The following MEX3C variants were observed in gnomAD, a reference collection of about 807,000 sequenced individuals.
The protein encoded by MEX3C is mex-3 RNA binding family member C, also known as RNA-binding E3 ubiquitin-protein ligase MEX3C.
A neutral mutation model predicts 35.5 loss-of-function variants in MEX3C; 15 were observed. That is an observed-to-expected ratio of 0.42 (90% CI 0.28 to 0.65). The LOEUF is 0.65. Ranked by LOEUF, MEX3C falls within the 30% of genes least tolerant of loss-of-function variation. The pLI is 0.20. For missense variants in MEX3C, 711 were observed against 842.8 expected, an observed-to-expected ratio of 0.84 and a Z score of 1.94; for synonymous variants, 390 against 352.8, an observed-to-expected ratio of 1.11 and a Z score of -1.18.
At chr18:51,182,199 C>T (rs909096975) in intron 1 of MEX3C, among the ~76,000 whole-genome samples, 1 of 152,064 alleles carries the variant, frequency 6.6e-6, no homozygotes, top group South Asian at 2.1e-4. Flanking sequence ...CAGGTATGTA[C>T]ATATAGGAAA....
chr18:51,190,441 G>A (rs546477939), intron 1 of MEX3C, among the ~76,000 whole-genome samples: 2 of 152,268 alleles, frequency 1.3e-5, no homozygotes, highest in East Asian at 1.9e-4. Flanking sequence ...CTTCAATCAT[G>A]TTCAAGACCA....
At chr18:51,182,513 T>TA (rs568566723) in intron 1 of MEX3C, among the ~76,000 whole-genome samples, 149 of 152,252 alleles carry the variant, frequency 9.8e-4, no homozygotes, top group African/African-American at 3.3e-3. Context: ...GTAAATTCCC[T>TA]AAAAAAAGAG....
chr18:51,188,305 C>T (rs1466386489), intron 1 of MEX3C, among the ~76,000 whole-genome samples: 1 of 152,120 alleles, frequency 6.6e-6, no homozygotes, highest in Non-Finnish European at 1.5e-5. Context: ...TGGGTCCTTA[C>T]ATAAAAAGCT....
chr18:51,183,841 C>A (rs79436267), intron 1 of MEX3C, among the ~76,000 whole-genome samples: 3,005 of 151,648 alleles, frequency 0.02, 101 homozygotes, highest in African/African-American at 0.069. Flanking sequence ...ATAAAAACAA[C>A]AAAAAAAATT....
intron 1 of MEX3C, among the ~76,000 whole-genome samples, chr18:51,182,438 T>G (rs910124329): frequency 1.3e-5 from 2 of 152,186 alleles, no homozygotes; most frequent in Non-Finnish European, 2.9e-5. Flanking sequence ...TTCAAGGTAA[T>G]CAATGGGCAG....
In MEX3C at chr18:51,176,128, C is replaced by T; in HGVS notation, c.*223G>A. ...TATATAAACTATGTCTCTGGGTCTA[C>T]AGGATAGTACTAATAATTCAAACCA... On this transcript the variant is annotated 3_prime_UTR_variant, in exon 2 of 2. Coordinates refer to ENST00000406189, the MANE Select transcript of MEX3C (RefSeq NM_016626.5). 4.6e-6 allele frequency: 2 copies of T among 435,326 alleles called. No individual in the cohort carries two copies. The highest frequency in any genetic ancestry group is 3.6e-5 in the East Asian group (1 of 27,908). 27.0% of individuals were successfully genotyped at this position (435,326 alleles called of 1,614,324 possible).
Position 51,177,063 on chromosome 18 carries a change from G to C in MEX3C, c.1268C>G (p.Ser423Cys). ...AACAGGATTGGAGGAGAGCCACGCAGAGCCAAGAGTGCCACCTTCAAAGCT... is the reference window on the plus strand; with the variant it reads ...AACAGGATTGGAGGAGAGCCACGCACAGCCAAGAGTGCCACCTTCAAAGCT... ...DVSFEGGTLG[S>C]AWLSSNPVPP... The change falls in exon 2 of 2, where the codon TCT becomes TGT. Residue 423 changes from serine to cysteine, a missense_variant. Physicochemically the swap from Ser to Cys is moderately radical, Grantham distance 112. This residue lies in a region of MEX3C where 187 missense variants were observed against 201.7 expected (regional missense o/e 0.93). Transcript: ENST00000406189. This position sits in a 1 kb window ranked among gnomAD's most constrained non-coding sequence, Gnocchi z 4.2. 6.2e-7 allele frequency: 1 copy of C among 1,614,004 alleles called. No individual in the cohort carries two copies.
intron 1 of MEX3C, among the ~76,000 whole-genome samples, chr18:51,179,480 C>A (rs938457194): frequency 6.6e-6 from 1 of 152,146 alleles, no homozygotes; most frequent in Non-Finnish European, 1.5e-5. Context: ...TGCATCATAC[C>A]TGCCAGTTGG....
chr18:51,194,361 A>G (rs1912727524), intron 1 of MEX3C: 2 of 152,326 alleles, frequency 1.3e-5, no homozygotes, highest in South Asian at 2.1e-4. Flanking sequence ...AGAGCCAGCA[A>G]TTTGTCTCCA....
chr18:51,185,877 T>C (rs1040788476), intron 1 of MEX3C, among the ~76,000 whole-genome samples: 6 of 131,078 alleles, frequency 4.6e-5, no homozygotes, highest in Admixed American at 7.6e-5. Flanking sequence ...CTGGGCAACA[T>C]AGTGAGACCC....
chr18:51,187,513 C>T (rs1912567163), intron 1 of MEX3C, among the ~76,000 whole-genome samples: 1 of 152,158 alleles, frequency 6.6e-6, no homozygotes, highest in Non-Finnish European at 1.5e-5. Context: ...ATGCTTACTA[C>T]AATGCCTGTT....
intron 1 of MEX3C, chr18:51,195,577 G>C (rs1488865933): frequency 1.3e-5 from 2 of 152,182 alleles, no homozygotes; most frequent in Non-Finnish European, 2.9e-5. Flanking sequence ...ACAGTAAAGA[G>C]GCATGCAACA....
chr18:51,189,024 A>T (rs1599255677), intron 1 of MEX3C, among the ~76,000 whole-genome samples: 1 of 152,196 alleles, frequency 6.6e-6, no homozygotes, highest in Non-Finnish European at 1.5e-5. Flanking sequence ...GAGACCTTGG[A>T]TAAGTTGTTT....
chr18:51,194,576 G>A (rs1240614018), intron 1 of MEX3C: 1 of 152,136 alleles, frequency 6.6e-6, no homozygotes, highest in African/African-American at 2.4e-5. Flanking sequence ...AGTGCTTTAA[G>A]GGGTGTCTAC....
In MEX3C at chr18:51,197,126, G is replaced by A. The variant is rs1204622013; in HGVS notation, c.195C>T (p.Pro65=). 10 of 1,093,332 alleles carry A rather than the reference G, an allele frequency of 9.1e-6. No homozygotes were observed. In the South Asian group the frequency reaches 2.6e-4, roughly 28 times the overall value. The allele number at this position is 1,093,332 out of a possible 1,614,324, so 67.7% of individuals were successfully genotyped here. ...CCGGGGCCCGAAGCGCCGGGGCGCC[G>A]GGCTCCGCCGGGCTGGGGTCGTCGA... ...LGLDDPSPAE[P]GAPALRAPAA... The change falls in exon 1 of 2, where the codon CCC becomes CCT. Residue 65 remains proline (P), a synonymous_variant. Transcript: ENST00000406189.
At chr18:51,178,976 T>G (rs1049026944) in intron 1 of MEX3C, among the ~76,000 whole-genome samples, 1 of 151,118 alleles carries the variant, frequency 6.6e-6, no homozygotes, top group African/African-American at 2.4e-5. Flanking sequence ...CTCAATAAAT[T>G]AATATTCCTA....
chr18:51,182,119 TTGTTA>T (rs1295017545), intron 1 of MEX3C, among the ~76,000 whole-genome samples: 2 of 152,238 alleles, frequency 1.3e-5, no homozygotes, highest in Non-Finnish European at 2.9e-5. Flanking sequence ...TTACAGTATA[TTGTTA>T]TAAGTCTTCT....
At chr18:51,184,717 G>T (rs1424877397) in intron 1 of MEX3C, among the ~76,000 whole-genome samples, 1 of 151,978 alleles carries the variant, frequency 6.6e-6, no homozygotes, top group Non-Finnish European at 1.5e-5. Context: ...AACTATCTGG[G>T]CGTGGTGGTG....
chr18:51,188,419 C>A (rs1310912765), intron 1 of MEX3C, among the ~76,000 whole-genome samples: 1 of 151,954 alleles, frequency 6.6e-6, no homozygotes, highest in East Asian at 1.9e-4. Context: ...TCAAGACCAG[C>A]CTGGGCAACA....
Sources: gnomAD v4.1 joint callset for allele counts (sites outside exome capture counted in the v4.1 genomes callset) on GRCh38, gnomAD v4.1.1 for gene constraint, gnomAD v4.1.1 regional missense constraint, Gnocchi (gnomAD v3.1) non-coding constraint, MANE v1.5 for transcripts, NCBI Gene and HGNC (gene_info 2026-07-23, HGNC 2026-07-21) for gene names.